SYT14: variants seen among roughly 807,000 people sequenced by gnomAD.
The protein encoded by SYT14 is synaptotagmin-14.
In SYT14, 32 loss-of-function variants were observed where a neutral mutation model predicts 74.2. The ratio of observed to expected loss-of-function variants is 0.43; its 90% CI spans 0.33 to 0.58. The LOEUF is 0.58. Ranked by LOEUF, SYT14 falls within the 20% of genes least tolerant of loss-of-function variation. SYT14 has a pLI of 0.05. For synonymous variants in SYT14, 298 were observed against 337.7 expected, an observed-to-expected ratio of 0.88 and a Z score of 1.29; for missense variants, 791 against 981.8, an observed-to-expected ratio of 0.81 and a Z score of 2.60.
In SYT14 at chr1:210,051,071, A is replaced by G. The variant is rs529242890; in HGVS notation, c.1312+29817A>G. Among the ~76,000 whole-genome samples, 11 of 152,314 alleles carry G rather than the reference A, an allele frequency of 7.2e-5. No individual in the cohort carries two copies. In the South Asian group the frequency reaches 2.1e-3, roughly 29 times the overall value. On this transcript the variant is annotated intron_variant, in intron 5 of 9. Coordinates refer to ENST00000637265, the Ensembl canonical transcript of SYT14. ...TATTTTGATACCACGCATTCAATCCAGTACCAGAGTTCTTCCTCTTATTTC... is the reference window on the plus strand; with the variant it reads ...TATTTTGATACCACGCATTCAATCCGGTACCAGAGTTCTTCCTCTTATTTC...
intron 5 of SYT14, among the ~76,000 whole-genome samples, chr1:210,033,421 A>C (rs2080585377): frequency 6.6e-6 from 1 of 151,834 alleles, no homozygotes; most frequent in African/African-American, 2.4e-5. Flanking sequence ...TCGTCTAAGC[A>C]GTCTTCATGT....
intron 5 of SYT14, among the ~76,000 whole-genome samples, chr1:210,031,089 CTTTTTTTTTT>C (rs35900057): frequency 9.6e-6 from 1 of 104,336 alleles, no homozygotes; most frequent in African/African-American, 3.7e-5. Flanking sequence ...CCATGCCTGT[CTTTTTTTTTT>C]TTTTTTTTTT....
chr1:210,160,954 C>T (rs2083362238), exon 10 of SYT14: 1 of 1,613,828 alleles, frequency 6.2e-7, no homozygotes, highest in African/African-American at 1.3e-5. Flanking sequence ...CTCAACAGCT[C>T]TGGAGAAGAA....
At chr1:210,160,941 G>A in exon 10 of SYT14, 1 of 1,614,014 alleles carries the variant, frequency 6.2e-7, no homozygotes, top group Non-Finnish European at 8.5e-7. Flanking sequence ...GATTTCTTTA[G>A]GTCTCAACAG....
chr1:209,975,288 T>C (rs1558103682), intron 2 of SYT14, among the ~76,000 whole-genome samples: 2 of 152,200 alleles, frequency 1.3e-5, no homozygotes, highest in African/African-American at 4.8e-5. Context: ...TTGTGTCAGT[T>C]TTCAAAGGGA....
At chr1:210,101,183 G>C (rs938895144) in intron 7 of SYT14, among the ~76,000 whole-genome samples, 1 of 151,974 alleles carries the variant, frequency 6.6e-6, no homozygotes, top group Non-Finnish European at 1.5e-5. Context: ...TTTAAACCAG[G>C]GAGATACATT....
intron 8 of SYT14, chr1:210,156,969 C>T (rs931754305): frequency 1.2e-5 from 3 of 254,186 alleles, no homozygotes; most frequent in Admixed American, 3.4e-5. Context: ...GCTGGGATTA[C>T]AGGCGTGAGC....
At chr1:209,974,426 A>T (rs748791151) in intron 2 of SYT14, among the ~76,000 whole-genome samples, 1 of 152,236 alleles carries the variant, frequency 6.6e-6, no homozygotes. Flanking sequence ...AGCTTTCTAC[A>T]TATGGCTAGC....
intron 5 of SYT14, among the ~76,000 whole-genome samples, chr1:210,058,551 G>C (rs2081142513): frequency 6.6e-6 from 1 of 152,334 alleles, no homozygotes; most frequent in Admixed American, 6.5e-5. Flanking sequence ...GCTGACCACA[G>C]GGGAAGACTT....
At chr1:210,004,889 T>C (rs1015954666) in intron 2 of SYT14, among the ~76,000 whole-genome samples, 6 of 152,148 alleles carry the variant, frequency 3.9e-5, no homozygotes, top group African/African-American at 1.2e-4. Flanking sequence ...TAGAATGATA[T>C]CATTTTGCAA....
At chr1:210,148,975 C>T (rs978287894) in intron 7 of SYT14, among the ~76,000 whole-genome samples, 2 of 152,056 alleles carry the variant, frequency 1.3e-5, no homozygotes, top group Non-Finnish European at 2.9e-5. Flanking sequence ...AAAATATACA[C>T]ATATGCCTAT....
intron 7 of SYT14, among the ~76,000 whole-genome samples, chr1:210,103,185 A>G (rs2082099583): frequency 6.6e-6 from 1 of 152,134 alleles, no homozygotes; most frequent in Non-Finnish European, 1.5e-5. Context: ...GATTGAGAGA[A>G]AAAAAAGACC....
chr1:209,938,313 G>T, intron 1 of SYT14, 36 bp downstream of exon 1: 1 of 1,542,996 alleles, frequency 6.5e-7, no homozygotes, highest in Non-Finnish European at 8.8e-7. Context: ...CGAGGACCGG[G>T]ACCACCCAGC....
rs569551185 is a variant in SYT14 at position 209,993,873 on chromosome 1, G to A, written c.-485-19760G>A. On this transcript the variant is annotated intron_variant, in intron 2 of 9. Coordinates refer to ENST00000637265, the Ensembl canonical transcript of SYT14. ...TACTGGCCATTACTCTTAAGTGCCA[G>A]CTACTGGATTGTAGCCCAAACTGCA... Among the ~76,000 whole-genome samples, 15 of 152,250 alleles carry A rather than the reference G, an allele frequency of 9.9e-5. 1 individual carries two copies. In the South Asian group the frequency reaches 3.1e-3, roughly 32 times the overall value.
chr1:210,120,747 A>AGAT (rs2082443907), intron 7 of SYT14, among the ~76,000 whole-genome samples: 1 of 152,172 alleles, frequency 6.6e-6, no homozygotes, highest in African/African-American at 2.4e-5. Flanking sequence ...AAAGAGAATA[A>AGAT]GATATATTTT....
At chr1:209,979,230 A>G (rs977281652) in intron 2 of SYT14, among the ~76,000 whole-genome samples, 1 of 151,266 alleles carries the variant, frequency 6.6e-6, no homozygotes, top group Non-Finnish European at 1.5e-5. Context: ...ACTTTCTGAC[A>G]CTCCCCAGTG....
chr1:210,038,329 T>C (rs150395852), intron 5 of SYT14, among the ~76,000 whole-genome samples: 1 of 152,268 alleles, frequency 6.6e-6, no homozygotes, highest in African/African-American at 2.4e-5. Context: ...GGTGGGTTTC[T>C]TGTAAGCAGC....
rs1419138162 is a variant in SYT14, at chr1:210,148,080, C to T, written c.2035-7641C>T. Among the ~76,000 whole-genome samples, 2 of 150,856 alleles carry T rather than the reference C, an allele frequency of 1.3e-5. 1 individual carries two copies. The highest frequency in any genetic ancestry group is 4.8e-5 in the African/African-American group (2 of 41,404). On this transcript the variant is annotated intron_variant, in intron 7 of 9. Coordinates refer to ENST00000637265, the Ensembl canonical transcript of SYT14. ...AATCTATATTTTTCAATACTCAATA[C>T]TCACACAAACAAAAAAAACTTCGTA...
At chr1:210,140,479 T>A (rs2082891415) in intron 7 of SYT14, among the ~76,000 whole-genome samples, 1 of 152,178 alleles carries the variant, frequency 6.6e-6, no homozygotes, top group African/African-American at 2.4e-5. Context: ...CTTGATGATG[T>A]TCTATGAAGC....
Sources: gnomAD v4.1 joint callset for allele counts (sites outside exome capture counted in the v4.1 genomes callset) on GRCh38, gnomAD v4.1.1 for gene constraint, MANE v1.5 for transcripts, NCBI Gene and HGNC (gene_info 2026-07-23, HGNC 2026-07-21) for gene names.